The following PCDHGA4 variants were observed in gnomAD, a reference collection of about 807,000 sequenced individuals.
PCDHGA4 encodes protocadherin gamma-A4.
A neutral mutation model predicts 54.6 loss-of-function variants in PCDHGA4; 38 were observed. The ratio of observed to expected loss-of-function variants is 0.70; its 90% CI spans 0.54 to 0.91. The LOEUF is 0.91. Among genes scored for constraint, PCDHGA4 ranks in the 40% least tolerant of loss-of-function variants. PCDHGA4 has a pLI of 0.00. For missense variants in PCDHGA4, 1,298 were observed against 1,220.9 expected (o/e 1.06, Z -0.94); for synonymous variants, 511 against 512.9 (o/e 1.00, Z 0.05).
Position 141,431,818 on chromosome 5 carries a change from C to T in PCDHGA4, c.2515-62989C>T, listed in dbSNP as rs201311339. On this transcript the variant is annotated intron_variant, in intron 1 of 3. Coordinates refer to ENST00000571252, the MANE Select transcript of PCDHGA4 (RefSeq NM_018917.4). This position sits in a 1 kb window ranked among gnomAD's most constrained non-coding sequence, Gnocchi z 4.8. ...CAGAAGTGGTCCTCACCTCTCTCGCCAGCTCGGTTCCCGAAAACTCTCCCA... is the reference window on the plus strand; with the variant it reads ...CAGAAGTGGTCCTCACCTCTCTCGCTAGCTCGGTTCCCGAAAACTCTCCCA... 130 of 1,614,122 alleles carry T rather than the reference C, an allele frequency of 8.1e-5. No homozygotes were observed. Among genetic ancestry groups the T allele is most frequent in the Non-Finnish European group, 1.0e-4 (121 of 1,180,040 alleles).
intron 1 of PCDHGA4, chr5:141,389,614 C>G: frequency 6.2e-7 from 1 of 1,613,062 alleles, no homozygotes; most frequent in South Asian, 1.1e-5. Flanking sequence ...GATATGGTGC[C>G]GCACGCTGCA....
intron 1 of PCDHGA4, chr5:141,475,885 A>G (rs1593590954): frequency 1.8e-6 from 1 of 556,524 alleles, no homozygotes. Flanking sequence ...ATTGGCTGGG[A>G]CTCTGTGTGC....
chr5:141,487,824 C>A lies in PCDHGA4; in HGVS notation c.2515-6983C>A. The stretch of plus-strand genomic sequence containing the variant: ...TCACAGTTTAGCATTGGGGGCGGGT[C>A]ATGCCTATATCTGAGTAAGAAATGA... On this transcript the variant is annotated intron_variant, in intron 1 of 3. Coordinates refer to ENST00000571252, the MANE Select transcript of PCDHGA4 (RefSeq NM_018917.4). This position sits in a 1 kb window ranked among gnomAD's most constrained non-coding sequence, Gnocchi z 5.0. 2 of 1,247,252 alleles carry A rather than the reference C, an allele frequency of 1.6e-6. No individual in the cohort carries two copies. The highest frequency in any genetic ancestry group is 2.9e-5 in the South Asian group (2 of 68,154). The allele number at this position is 1,247,252 out of a possible 1,614,324, so 77.3% of individuals were successfully genotyped here. A position where few individuals can be genotyped will look rare whatever the true frequency, so the allele number is the denominator to read the frequency against.
intron 1 of PCDHGA4, chr5:141,468,556 GAT>G (rs754546771): frequency 6.6e-6 from 1 of 151,930 alleles, no homozygotes; most frequent in Non-Finnish European, 1.5e-5. Flanking sequence ...TAACATTTGT[GAT>G]ATAGTAAACA....
intron 1 of PCDHGA4, chr5:141,389,506 G>A: frequency 1.9e-6 from 3 of 1,613,112 alleles, no homozygotes; most frequent in Non-Finnish European, 2.5e-6. Context: ...CCAGCGCTCA[G>A]CGCGAACGTG....
At chr5:141,378,050 A>C (rs1339661342) in intron 1 of PCDHGA4, 2 of 152,190 alleles carry the variant, frequency 1.3e-5, no homozygotes, top group Admixed American at 1.3e-4. Context: ...TTCCTTATCT[A>C]TCTGACTCAA....
At chr5:141,413,950 T>C (rs1448967281) in intron 1 of PCDHGA4, 1 of 1,613,264 alleles carries the variant, frequency 6.2e-7, no homozygotes. Context: ...TCCTGAGAAT[T>C]TGCCTGTGGG....
In PCDHGA4 at chr5:141,431,777, G is replaced by T. The variant is rs151011884; in HGVS notation, c.2515-63030G>T. 5,401 of 1,614,186 alleles carry T rather than the reference G, an allele frequency of 3.3e-3. 6 individuals are homozygous for T. Among genetic ancestry groups the T allele is most frequent in the Non-Finnish European group, 4.2e-3 (4,899 of 1,180,002 alleles). On this transcript the variant is annotated intron_variant, in intron 1 of 3. Coordinates refer to ENST00000571252, the MANE Select transcript of PCDHGA4 (RefSeq NM_018917.4). The surrounding 1 kb of genome is among the most constrained non-coding windows in gnomAD (Gnocchi z 4.8). ...CAAAGTCCTGATCACTGTTCTGGAC[G>T]TGAACGACAATGCCCCAGAAGTGGT...
At position 141,355,483 on chromosome 5, in the gene PCDHGA4, C is replaced by T. The variant is rs1759873944; in HGVS notation, c.376C>T (p.Leu126Phe). The T allele has an allele frequency of 6.2e-7, 1 of 1,614,050 alleles. No homozygotes were observed. The highest frequency in any genetic ancestry group is 8.5e-7 in the Non-Finnish European group (1 of 1,179,902). ...VTAGRIDREE[L>F]CDRSPNCVTN... ...CGCGGGTAGGATAGACAGGGAGGAG[C>T]TCTGCGACAGATCTCCAAACTGTGT... Residue 126 changes from leucine to phenylalanine, a missense_variant, in exon 1 of 4, where the codon CTC becomes TTC. Leu to Phe is a conservative substitution (Grantham distance 22). Coordinates refer to ENST00000571252, the MANE Select transcript of PCDHGA4 (RefSeq NM_018917.4).
rs760070878 is a variant in PCDHGA4, at chr5:141,490,862, C to T, written c.2515-3945C>T. On this transcript the variant is annotated intron_variant, in intron 1 of 3. Coordinates refer to ENST00000571252, the MANE Select transcript of PCDHGA4 (RefSeq NM_018917.4). This position sits in a 1 kb window ranked among gnomAD's most constrained non-coding sequence, Gnocchi z 5.4. ...GTGGTGGGGGTTCGAGACTCCGGCTCTCCCCCATTGCATGCCAACACATCT... is the reference window on the plus strand; with the variant it reads ...GTGGTGGGGGTTCGAGACTCCGGCTTTCCCCCATTGCATGCCAACACATCT... 2.0e-5 allele frequency: 33 copies of T among 1,613,878 alleles called. No individual in the cohort carries two copies. Among genetic ancestry groups the T allele is most frequent in the Non-Finnish European group, 2.8e-5 (33 of 1,179,920 alleles).
intron 1 of PCDHGA4, chr5:141,371,315 G>A: frequency 6.2e-7 from 1 of 1,613,958 alleles, no homozygotes; most frequent in Non-Finnish European, 8.5e-7. Context: ...TTGGAGAACT[G>A]GACTTTGAAG....
chr5:141,433,837 C>CAAAAAAAAA (rs56191208), intron 1 of PCDHGA4, among the ~76,000 whole-genome samples: 1 of 111,704 alleles, frequency 9.0e-6, no homozygotes, highest in Non-Finnish European at 1.9e-5. Flanking sequence ...AACTCTATCT[C>CAAAAAAAAA]AAAAAAAAAA....
intron 1 of PCDHGA4, chr5:141,475,845 G>C: frequency 4.5e-6 from 2 of 448,002 alleles, no homozygotes; most frequent in Non-Finnish European, 7.9e-6. Context: ...TGCTCAGAGA[G>C]CCCGGCGCTA....
intron 1 of PCDHGA4, chr5:141,393,440 C>T (rs777552488): frequency 1.7e-5 from 27 of 1,613,924 alleles, no homozygotes; most frequent in Non-Finnish European, 2.3e-5. Context: ...CTGCTCACCA[C>T]CTGGTCCTCA....
chr5:141,496,943 T>C (rs1023861484), intron 2 of PCDHGA4, among the ~76,000 whole-genome samples: 2 of 151,258 alleles, frequency 1.3e-5, no homozygotes, highest in African/African-American at 2.4e-5. Flanking sequence ...CCCAGCACTT[T>C]GGGAGGCCAA....
chr5:141,482,758 T>TGC (rs1413945459), intron 1 of PCDHGA4, among the ~76,000 whole-genome samples: 74 of 141,724 alleles, frequency 5.2e-4, no homozygotes, highest in African/African-American at 9.9e-4. Flanking sequence ...ATTATGGTAT[T>TGC]TCATTATCAC....
At chr5:141,400,776 G>GT (rs1167512157) in intron 1 of PCDHGA4, 4 of 557,602 alleles carry the variant, frequency 7.2e-6, no homozygotes, top group Non-Finnish European at 1.3e-5. Flanking sequence ...CATTTGGTGC[G>GT]TTTTTTTGTC....
chr5:141,357,369 C>G lies in PCDHGA4; in HGVS notation c.2262C>G (p.Arg754=). The change falls in exon 1 of 4, where the codon CGC becomes CGG. Residue 754 remains arginine, a synonymous_variant. Coordinates refer to ENST00000571252, the MANE Select transcript of PCDHGA4 (RefSeq NM_018917.4). ...ALKLRRWHKS[R]LLHAEGSRLA... is the part of the protein sequence containing the mutation. Reference sequence around the variant, plus strand: ...AGCTGAGACGCTGGCACAAGTCACGCCTGCTTCACGCTGAAGGCAGCAGGT... The same window carrying G: ...AGCTGAGACGCTGGCACAAGTCACGGCTGCTTCACGCTGAAGGCAGCAGGT... The G allele has an allele frequency of 6.2e-7, 1 of 1,614,182 alleles. No individual in the cohort carries two copies. The highest frequency in any genetic ancestry group is 2.2e-5 in the East Asian group (1 of 44,878).
At chr5:141,382,873 C>G (rs1338163064) in intron 1 of PCDHGA4, 4 of 1,522,326 alleles carry the variant, frequency 2.6e-6, no homozygotes, top group Non-Finnish European at 3.5e-6. Context: ...CCGAGATCGG[C>G]GCCTAAGCAA....
Sources: gnomAD v4.1 joint callset for allele counts (sites outside exome capture counted in the v4.1 genomes callset) on GRCh38, gnomAD v4.1.1 for gene constraint, Gnocchi (gnomAD v3.1) non-coding constraint, MANE v1.5 for transcripts, NCBI Gene and HGNC (gene_info 2026-07-23, HGNC 2026-07-21) for gene names.